PIEZO2: variants seen among roughly 807,000 people sequenced by gnomAD.
PIEZO2 encodes the protein piezo type mechanosensitive ion channel component 2.
Under a neutral mutation model 337.3 loss-of-function variants are expected in PIEZO2, and 172 were observed. The observed-to-expected ratio is 0.51, with a 90% CI of 0.45 to 0.58. The LOEUF (loss-of-function observed/expected upper bound fraction) is 0.58. PIEZO2 is among the 20% of genes least tolerant of loss of function. The pLI, the probability that PIEZO2 is intolerant of heterozygous loss-of-function variation, is 0.00. For missense variants in PIEZO2, 3,028 were observed against 3,391.3 expected, an observed-to-expected ratio of 0.89 and a Z score of 2.66; for synonymous variants, 1,251 against 1,228.5, an observed-to-expected ratio of 1.02 and a Z score of -0.38.
Position 11,037,090 on chromosome 18 carries a change from G to C in PIEZO2, c.160+29037C>G, listed in dbSNP as rs182068938. On this transcript the variant is annotated intron_variant, in intron 2 of 55. Transcript: ENST00000674853. ...AGTGAGTCTCCTGGCTCAGCCTCCT[G>C]AGTAGCTGGGATTACAGACACCCAC... 3.4e-4 allele frequency among the ~76,000 whole-genome samples: 52 copies of C among 152,252 alleles called. 1 individual carries two copies. The East Asian group carries it at 9.9e-3, about 29-fold the overall frequency.
intron 51 of PIEZO2, among the ~76,000 whole-genome samples, chr18:10,681,430 T>C (rs2034259680): frequency 6.6e-6 from 1 of 152,216 alleles, no homozygotes; most frequent in Admixed American, 6.5e-5. Context: ...TAAACAATTT[T>C]TAAAATGGAT....
rs142240746 is a variant in PIEZO2, at chr18:10,759,097, T to C, written c.3757+385A>G. 1.6e-3 allele frequency among the ~76,000 whole-genome samples: 248 copies of C among 152,190 alleles called. 2 individuals carry two copies. The East Asian group carries it at 0.036, about 22-fold the overall frequency. On this transcript the variant is annotated intron_variant, in intron 26 of 55. Coordinates refer to ENST00000674853, the MANE Select transcript of PIEZO2 (RefSeq NM_001378183.1). The surrounding 1 kb of genome is among the most constrained non-coding windows in gnomAD (Gnocchi z 5.5). ...GGGAAGCATCTCCCAGCATCCACTG[T>C]CCCATGTTCAGGGTTTATTTATCTG...
At position 11,110,166 on chromosome 18, in the gene PIEZO2, C is replaced by A. The variant is rs2039688567; in HGVS notation, c.64+38359G>T. 6.6e-6 allele frequency among the ~76,000 whole-genome samples: 1 copy of A among 152,064 alleles called. No homozygotes were observed. Among genetic ancestry groups the A allele is most frequent in the Non-Finnish European group, 1.5e-5 (1 of 68,006 alleles). On this transcript the variant is annotated intron_variant, in intron 1 of 55. Coordinates refer to ENST00000674853, the MANE Select transcript of PIEZO2 (RefSeq NM_001378183.1). This position sits in a 1 kb window ranked among gnomAD's most constrained non-coding sequence, Gnocchi z 4.2. ...TAAAGACAGCATCTTACTCTATCAC[C>A]CAGGCTGGAGTAAAGTGGTGTGATC...
At chr18:10,934,022 G>C (rs189946198) in intron 3 of PIEZO2, among the ~76,000 whole-genome samples, 24 of 152,346 alleles carry the variant, frequency 1.6e-4, no homozygotes, top group African/African-American at 5.3e-4. Context: ...TCCAGGGTAA[G>C]TCTTTATTTG....
intron 1 of PIEZO2, among the ~76,000 whole-genome samples, chr18:11,071,195 A>G (rs2038326171): frequency 6.6e-6 from 1 of 152,182 alleles, no homozygotes; most frequent in Non-Finnish European, 1.5e-5. Context: ...TCCTTTCTTA[A>G]AGGTTCAAAG....
chr18:10,677,419 T>C lies in PIEZO2; in HGVS notation c.8081+328A>G, dbSNP rs1208004716. The C allele has an allele frequency of 8.3e-6, 2 of 240,108 alleles. No homozygotes were observed. The highest frequency in any genetic ancestry group is 5.3e-5 in the South Asian group (1 of 18,766). The allele number at this position is 240,108 out of a possible 1,614,324, so 14.9% of individuals were successfully genotyped here. A position where few individuals can be genotyped will look rare whatever the true frequency, so the allele number is the denominator to read the frequency against. On this transcript the variant is annotated intron_variant, in intron 53 of 55. Transcript: ENST00000674853. This position sits in a 1 kb window ranked among gnomAD's most constrained non-coding sequence, Gnocchi z 4.1. ...TTTCAGTAGAGACAGGGTTTCACCA[T>C]GTTGGTCAGGCTGGTCTTGAACTCC...
At position 10,671,577 on chromosome 18, in the gene PIEZO2, A is replaced by G. The variant is rs761261279; in HGVS notation, c.8548T>C (p.Tyr2850His). The change falls in exon 56 of 56, where the codon TAT (tyrosine) becomes CAT (histidine). Residue 2850 changes from tyrosine (Y) to histidine (H), a missense_variant. Physicochemically the swap from Tyr to His is moderately conservative, Grantham distance 83. Transcript: ENST00000674853. Reference protein sequence around the residue: ...EDLYAKLIFLYRSPETMIKWT... With the variant: ...EDLYAKLIFLHRSPETMIKWT... ...TTGATCATTGTCTCTGGTGAGCGAT[A>G]TAGGAATATTAATTTGGCATAGAGA... 1 of 1,613,922 alleles carries G rather than the reference A, an allele frequency of 6.2e-7. No homozygotes were observed. The highest frequency in any genetic ancestry group is 8.5e-7 in the Non-Finnish European group (1 of 1,179,858).
chr18:10,725,239 G>C, intron 36 of PIEZO2: 1 of 1,570,390 alleles, frequency 6.4e-7, no homozygotes, highest in Non-Finnish European at 8.8e-7. Context: ...CGAACACTTT[G>C]AGGCTGCCAC....
intron 1 of PIEZO2, among the ~76,000 whole-genome samples, chr18:11,100,973 C>T (rs1043152548): frequency 3.3e-5 from 5 of 152,298 alleles, no homozygotes; most frequent in Admixed American, 2.6e-4. Context: ...AGAAGACCAA[C>T]TTAAACTCAG....
At chr18:10,839,168 T>G (rs73394735) in intron 7 of PIEZO2, among the ~76,000 whole-genome samples, 4,060 of 152,264 alleles carry the variant, frequency 0.027, 179 homozygotes, top group African/African-American at 0.093. Context: ...GAAAAAATAG[T>G]AAATAGTGAA....
intron 3 of PIEZO2, among the ~76,000 whole-genome samples, chr18:10,951,821 T>G (rs1019885287): frequency 5.5e-4 from 84 of 152,322 alleles, no homozygotes; most frequent in African/African-American, 1.9e-3. Flanking sequence ...TACTTATCTA[T>G]CATTCCCTGG....
rs1288925459 is a variant in PIEZO2, at chr18:10,870,440, T to C, written c.492+813A>G. 2.0e-5 allele frequency among the ~76,000 whole-genome samples: 3 copies of C among 152,254 alleles called. No individual in the cohort carries two copies. The highest frequency in any genetic ancestry group is 2.1e-4 in the South Asian group (1 of 4,830). On this transcript the variant is annotated intron_variant, in intron 5 of 55. Coordinates refer to ENST00000674853, the MANE Select transcript of PIEZO2 (RefSeq NM_001378183.1). The surrounding 1 kb of genome is among the most constrained non-coding windows in gnomAD (Gnocchi z 5.3). ...GTACTTGCAAGCGTTTTGCATCAAA[T>C]GTCCAAATAAAATAGTCACTTTTTC...
At position 11,096,120 on chromosome 18, in the gene PIEZO2, G is replaced by T. The variant is rs780037507; in HGVS notation, c.65-29898C>A. On this transcript the variant is annotated intron_variant, in intron 1 of 55. Coordinates refer to ENST00000674853, the MANE Select transcript of PIEZO2 (RefSeq NM_001378183.1). This position sits in a 1 kb window ranked among gnomAD's most constrained non-coding sequence, Gnocchi z 4.6. ...AAGTGAGGCTTCCATTCTCTAAGCC[G>T]GTCCACATGGAGCCCTCACTCTGTT... Among the ~76,000 whole-genome samples, 2 of 152,170 alleles carry T rather than the reference G, an allele frequency of 1.3e-5. No individual in the cohort carries two copies. The highest frequency in any genetic ancestry group is 4.8e-5 in the African/African-American group (2 of 41,448).
Position 10,789,369 on chromosome 18 carries a change from C to T in PIEZO2, c.1883-4G>A, listed in dbSNP as rs1349156017. The T allele has an allele frequency of 5.2e-6, 8 of 1,532,930 alleles. No individual in the cohort carries two copies. The Admixed American group carries it at 1.6e-4, about 30-fold the overall frequency. The allele number at this position is 1,532,930 out of a possible 1,614,324, so 95.0% of individuals were successfully genotyped here. ...TGTATATCTTGAAGTTCCTCATCTT[C>T]AAATAGAAAACTGTGCTGTTATACT... On this transcript the variant is annotated splice_region_variant and splice_polypyrimidine_tract_variant and intron_variant, in intron 14 of 55. Transcript: ENST00000674853.
chr18:10,939,251 C>CA (rs1477055941), intron 3 of PIEZO2, among the ~76,000 whole-genome samples: 1 of 151,940 alleles, frequency 6.6e-6, no homozygotes, highest in Non-Finnish European at 1.5e-5. Context: ...AATGAGGATG[C>CA]AAAAAAGTTA....
At chr18:11,072,542 A>C (rs1468683891) in intron 1 of PIEZO2, among the ~76,000 whole-genome samples, 1 of 152,232 alleles carries the variant, frequency 6.6e-6, no homozygotes, top group African/African-American at 2.4e-5. Flanking sequence ...GTAACTATTC[A>C]TTTATGTTAG....
rs926088350 is a variant in PIEZO2, at chr18:11,069,935, A to G, written c.65-3713T>C. Among the ~76,000 whole-genome samples the G allele has an allele frequency of 6.6e-6, 1 of 152,246 alleles. No individual in the cohort carries two copies. Among genetic ancestry groups the G allele is most frequent in the Non-Finnish European group, 1.5e-5 (1 of 68,034 alleles). ...CCCATTCACAATAGCTACAAATAAT[A>G]CTTAGAAATAAATCTAACCAAGGAG... On this transcript the variant is annotated intron_variant, in intron 1 of 55. Coordinates refer to ENST00000674853, the MANE Select transcript of PIEZO2 (RefSeq NM_001378183.1). The surrounding 1 kb of genome is among the most constrained non-coding windows in gnomAD (Gnocchi z 4.9).
At position 10,787,275 on chromosome 18, in the gene PIEZO2, T is replaced by C; in HGVS notation, c.2170-91A>G. 5 of 1,192,800 alleles carry C rather than the reference T, an allele frequency of 4.2e-6. 1 individual carries two copies. In the South Asian group the frequency reaches 7.9e-5, roughly 19 times the overall value. 73.9% of individuals were successfully genotyped at this position (1,192,800 alleles called of 1,614,324 possible). ...TTTGGTTTAATTCAAGTAAGACAAG[T>C]GATACATTTACAAGTGTCTGAAAAT... On this transcript the variant is annotated intron_variant, in intron 15 of 55. Coordinates refer to ENST00000674853, the MANE Select transcript of PIEZO2 (RefSeq NM_001378183.1).
Position 10,714,424 on chromosome 18 carries a change from G to A in PIEZO2, c.5423+340C>T, listed in dbSNP as rs117677192. On this transcript the variant is annotated intron_variant, in intron 39 of 55. Transcript: ENST00000674853. ...CCTAATGTAGAAGACACTGTGGATC[G>A]GCTATCTTGAAAGGCACTAAAGATG... 1.1e-4 allele frequency among the ~76,000 whole-genome samples: 16 copies of A among 152,254 alleles called. 1 individual carries two copies. In the East Asian group the frequency reaches 2.5e-3, roughly 24 times the overall value.
Sources: allele counts gnomAD v4.1 joint callset (sites outside exome capture counted in the v4.1 genomes callset), GRCh38; gene constraint gnomAD v4.1.1; non-coding constraint Gnocchi (gnomAD v3.1); transcripts MANE v1.5; gene names NCBI Gene and HGNC (gene_info 2026-07-23, HGNC 2026-07-21).